ZNF44: variants seen among roughly 807,000 people sequenced by gnomAD.
ZNF44 encodes zinc finger protein 44.
A neutral mutation model predicts 11.7 loss-of-function variants in ZNF44; 9 were observed. The observed-to-expected ratio is 0.77, with a 90% CI of 0.46 to 1.35. The LOEUF (loss-of-function observed/expected upper bound fraction) is 1.35. Ranked by LOEUF, ZNF44 falls within the 40% of genes most tolerant of loss-of-function variation. The probability of loss-of-function intolerance (pLI) is 0.00; values close to 1 mark genes in which losing one functional copy is unlikely to be tolerated. For missense variants in ZNF44, 696 were observed against 743.1 expected (o/e 0.94, Z 0.74); for synonymous variants, 224 against 242.7 (o/e 0.92, Z 0.72).
intron 2 of ZNF44, among the ~76,000 whole-genome samples, chr19:12,234,376 AG>A (rs1916293592): frequency 6.6e-6 from 1 of 152,192 alleles, no homozygotes. Context: ...GATCCCCTCA[AG>A]GGATTTTCCT....
chr19:12,240,533 C>CAA (rs1568423065), upstream of ZNF44, among the ~76,000 whole-genome samples: 1 of 150,752 alleles, frequency 6.6e-6, no homozygotes, highest in East Asian at 2.0e-4. Flanking sequence ...AAAAAAAGTT[C>CAA]AAAGACTCAC....
intron 1 of ZNF44, among the ~76,000 whole-genome samples, chr19:12,292,438 C>A (rs1481956751): frequency 6.6e-6 from 1 of 152,108 alleles, no homozygotes; most frequent in African/African-American, 2.4e-5. Context: ...TGATAGGATG[C>A]CCTTTACAGT....
At chr19:12,241,418 G>A (rs569154639), upstream of ZNF44, among the ~76,000 whole-genome samples, 11 of 152,180 alleles carry the variant, frequency 7.2e-5, no homozygotes, top group African/African-American at 1.2e-4. Flanking sequence ...GGCCAGGCAC[G>A]GTGGCTCACA....
chr19:12,275,871 CCA>C (rs778671981), intron 2 of ZNF44, 83 bp downstream of exon 2: 13 of 1,451,958 alleles, frequency 9.0e-6, no homozygotes, highest in African/African-American at 2.9e-5. Flanking sequence ...TATCCCTTTT[CCA>C]TATTTCAAAT....
chr19:12,244,620 A>G (rs1916718075), downstream of ZNF44: 1 of 152,660 alleles, frequency 6.6e-6, no homozygotes. Flanking sequence ...AGACAAAGCT[A>G]CCAGGTGACC....
chr19:12,285,514 A>C (rs1599544638), intron 1 of ZNF44, among the ~76,000 whole-genome samples: 1 of 152,282 alleles, frequency 6.6e-6, no homozygotes, highest in Admixed American at 6.5e-5. Flanking sequence ...AAGGCTTCCC[A>C]AAGTGCTGGG....
chr19:12,255,132 A>ACACCCC lies in ZNF44; in HGVS notation c.1913-4765_1913-4764insGGGGTG, dbSNP rs373440877. On this transcript the variant is annotated intron_variant and NMD_transcript_variant, in intron 5 of 7. Transcript: ENST00000393337. ...CACACACACACACACACACACACACACCCCTTTGTGGGACACAGCAAAAGT... is the reference window on the plus strand; with the variant it reads ...CACACACACACACACACACACACACACACCCCCCCCTTTGTGGGACACAGCAAAAGT... Among the ~76,000 whole-genome samples, 590 of 145,142 alleles carry ACACCCC rather than the reference A, an allele frequency of 4.1e-3. 9 individuals are homozygous for ACACCCC. Among genetic ancestry groups the ACACCCC allele is most frequent in the African/African-American group, 0.015 (570 of 38,240 alleles).
At chr19:12,274,529 C>T (rs1052926303) in intron 3 of ZNF44, among the ~76,000 whole-genome samples, 2 of 151,728 alleles carry the variant, frequency 1.3e-5, no homozygotes, top group African/African-American at 4.8e-5. Flanking sequence ...CCACCTCGGC[C>T]TCCCAAAGTG....
downstream of ZNF44, among the ~76,000 whole-genome samples, chr19:12,268,143 C>T (rs557126290): frequency 7.9e-6 from 1 of 125,844 alleles, no homozygotes; most frequent in Non-Finnish European, 1.7e-5. Flanking sequence ...CACACACACA[C>T]AGACACACAC....
At chr19:12,285,696 T>C (rs1283615054) in intron 1 of ZNF44, among the ~76,000 whole-genome samples, 2 of 152,120 alleles carry the variant, frequency 1.3e-5, no homozygotes, top group African/African-American at 4.8e-5. Flanking sequence ...AAAAATAACA[T>C]TGTCAACAAC....
chr19:12,251,125 G>C (rs1916974086), intron 5 of ZNF44, among the ~76,000 whole-genome samples: 1 of 151,842 alleles, frequency 6.6e-6, no homozygotes, highest in African/African-American at 2.4e-5. Flanking sequence ...TGAGGTCGGG[G>C]GTTCCAGACC....
chr19:12,230,152 T>C (rs1169589611), intron 3 of ZNF44, among the ~76,000 whole-genome samples: 2 of 152,164 alleles, frequency 1.3e-5, no homozygotes, highest in Non-Finnish European at 2.9e-5. Flanking sequence ...AAAGACTACA[T>C]GCTTAAGCCA....
chr19:12,275,819 T>G lies in ZNF44; in HGVS notation c.130+137A>C, dbSNP rs531100065. The G allele has an allele frequency of 5.2e-5, 59 of 1,131,380 alleles. No individual in the cohort carries two copies. The East Asian group carries it at 1.6e-3, about 30-fold the overall frequency. 70.1% of individuals were successfully genotyped at this position (1,131,380 alleles called of 1,614,324 possible). ...GATTATATGAGGACATACAACAGGTTGGGGCCTGGCACTTCACCCTGTGTT... is the reference window on the plus strand; with the variant it reads ...GATTATATGAGGACATACAACAGGTGGGGGCCTGGCACTTCACCCTGTGTT... On this transcript the variant is annotated intron_variant, in intron 2 of 3. Coordinates refer to ENST00000355684, the MANE Select transcript of ZNF44 (RefSeq NM_016264.4).
chr19:12,249,973 C>T, intron 7 of ZNF44: 1 of 1,282,472 alleles, frequency 7.8e-7, no homozygotes, highest in Non-Finnish European at 1.0e-6. Flanking sequence ...CTGAGTGTGA[C>T]TCACCTGAGA....
At chr19:12,253,301 T>C (rs1433559486) in intron 5 of ZNF44, among the ~76,000 whole-genome samples, 1 of 151,102 alleles carries the variant, frequency 6.6e-6, no homozygotes, top group East Asian at 2.0e-4. Context: ...GTGATTCTCC[T>C]GTCTCAGCCT....
chr19:12,257,421 G>A (rs1917304068), intron 5 of ZNF44, among the ~76,000 whole-genome samples: 1 of 151,952 alleles, frequency 6.6e-6, no homozygotes, highest in Admixed American at 6.6e-5. Context: ...AGGTTGAGGA[G>A]GGTAGATCAC....
At position 12,272,175 on chromosome 19, in the gene ZNF44, T is replaced by C. The variant is rs997773430; in HGVS notation, c.*232A>G. On this transcript the variant is annotated 3_prime_UTR_variant, in exon 4 of 4. Transcript: ENST00000355684. ...CTATGCCTGGCTATTTTTTTTTTTT[T>C]CCGTATTTTTAGTAGAGACAGGGTT... 13 of 493,244 alleles carry C rather than the reference T, an allele frequency of 2.6e-5. No homozygotes were observed. The highest frequency in any genetic ancestry group is 2.2e-4 in the Admixed American group (5 of 22,354). 30.6% of individuals were successfully genotyped at this position (493,244 alleles called of 1,614,324 possible). A position where few individuals can be genotyped will look rare whatever the true frequency, so the allele number is the denominator to read the frequency against.
intron 5 of ZNF44, among the ~76,000 whole-genome samples, chr19:12,261,167 C>T (rs893895866): frequency 3.9e-5 from 6 of 152,216 alleles, no homozygotes; most frequent in African/African-American, 1.4e-4. Context: ...GCGCAAGTTC[C>T]TCTGCATGGG....
At chr19:12,283,304 GCAGCA>G (rs774377733) in intron 1 of ZNF44, among the ~76,000 whole-genome samples, 16 of 152,096 alleles carry the variant, frequency 1.1e-4, no homozygotes, top group Non-Finnish European at 1.9e-4. Context: ...AAAGACAAAA[GCAGCA>G]CACTTTTAGA....
Sources: gnomAD v4.1 joint callset for allele counts (sites outside exome capture counted in the v4.1 genomes callset) on GRCh38, gnomAD v4.1.1 for gene constraint, MANE v1.5 for transcripts, NCBI Gene and HGNC (gene_info 2026-07-23, HGNC 2026-07-21) for gene names.